The following NBEA variants were observed in gnomAD, a reference collection of about 807,000 sequenced individuals.
The protein encoded by NBEA is lysosomal-trafficking regulator 2.
A neutral mutation model predicts 343.4 loss-of-function variants in NBEA; 44 were observed. The ratio of observed to expected loss-of-function variants is 0.13; its 90% CI spans 0.10 to 0.16. NBEA has a LOEUF of 0.16. NBEA is among the 10% of genes least tolerant of loss of function. The probability of loss-of-function intolerance (pLI) is 1.00; values close to 1 mark genes in which losing one functional copy is unlikely to be tolerated. For missense variants in NBEA, 2,555 were observed against 3,631.3 expected, an observed-to-expected ratio of 0.70 and a Z score of 7.62; for synonymous variants, 1,175 against 1,238.7, an observed-to-expected ratio of 0.95 and a Z score of 1.08.
chr13:35,492,576 T>C (rs1566216788), intron 41 of NBEA, among the ~76,000 whole-genome samples: 1 of 151,894 alleles, frequency 6.6e-6, no homozygotes, highest in Non-Finnish European at 1.5e-5. Flanking sequence ...ATGGCTTTTT[T>C]CCTTGAAGAT....
chr13:35,282,372 TTAATAA>T (rs551201703), intron 34 of NBEA, among the ~76,000 whole-genome samples: 215 of 152,340 alleles, frequency 1.4e-3, no homozygotes, highest in Admixed American at 3.3e-3. Flanking sequence ...TGTATCATTC[TTAATAA>T]TTATTTAGGA....
At chr13:35,652,498 A>G (rs1020329623) in intron 53 of NBEA, among the ~76,000 whole-genome samples, 34 of 150,562 alleles carry the variant, frequency 2.3e-4, no homozygotes, top group South Asian at 4.2e-4. Flanking sequence ...AAAATTAGCC[A>G]GGCGCGGTGG....
rs2153013111 is a variant in NBEA, at chr13:35,551,009, C to T, written c.6783C>T (p.Thr2261=). The change falls in exon 43 of 59, where the codon ACC becomes ACT. Residue 2261 remains threonine, a synonymous_variant. Transcript: ENST00000379939. ...GCTTGCCTCGGGTTGGAGTAGGGAC[C>T]AGCTATGGTCTGCCACAAGCCAGGT... ...VYSLPRVGVG[T]SYGLPQARRI... 1.2e-6 allele frequency: 2 copies of T among 1,603,066 alleles called. No individual in the cohort carries two copies. Among genetic ancestry groups the T allele is most frequent in the East Asian group, 2.2e-5 (1 of 44,752 alleles).
At chr13:35,204,801 A>C (rs1435418495) in intron 31 of NBEA, among the ~76,000 whole-genome samples, 1 of 152,108 alleles carries the variant, frequency 6.6e-6, no homozygotes, top group East Asian at 1.9e-4. Context: ...ACTCTAAAAA[A>C]ATGTTTTTAC....
chr13:35,235,032 TCA>T (rs2075158048), intron 34 of NBEA, among the ~76,000 whole-genome samples: 1 of 152,152 alleles, frequency 6.6e-6, no homozygotes, highest in South Asian at 2.1e-4. Flanking sequence ...GGATAGTTCT[TCA>T]AATATTATTA....
At chr13:35,073,945 A>G (rs2063993838) in intron 10 of NBEA, among the ~76,000 whole-genome samples, 1 of 152,106 alleles carries the variant, frequency 6.6e-6, no homozygotes, top group Non-Finnish European at 1.5e-5. Flanking sequence ...CTGTATCAAA[A>G]AACCACCCCA....
intron 16 of NBEA, among the ~76,000 whole-genome samples, chr13:35,121,033 A>G (rs2066767890): frequency 1.3e-5 from 2 of 152,182 alleles, no homozygotes; most frequent in Non-Finnish European, 2.9e-5. Flanking sequence ...TTATTCCTAG[A>G]CAATAGAAAC....
intron 40 of NBEA, among the ~76,000 whole-genome samples, chr13:35,466,968 A>C (rs1345250019): frequency 1.3e-5 from 2 of 152,056 alleles, no homozygotes; most frequent in Non-Finnish European, 2.9e-5. Context: ...GGAATCTAAA[A>C]TTTTTTACAG....
At chr13:35,038,863 C>T (rs766722085) in intron 1 of NBEA, among the ~76,000 whole-genome samples, 1 of 152,106 alleles carries the variant, frequency 6.6e-6, no homozygotes, top group Non-Finnish European at 1.5e-5. Flanking sequence ...CCCTTAGCTG[C>T]CCCAGCTGGT....
chr13:35,280,775 A>ATT (rs564499943), intron 34 of NBEA, among the ~76,000 whole-genome samples: 7 of 147,128 alleles, frequency 4.8e-5, no homozygotes, highest in South Asian at 2.1e-4. Flanking sequence ...TTTTTGACAG[A>ATT]TTTTTTTTTT....
intron 38 of NBEA, among the ~76,000 whole-genome samples, chr13:35,406,121 T>G (rs1048809192): frequency 5.9e-5 from 9 of 152,144 alleles, no homozygotes; most frequent in African/African-American, 1.9e-4. Context: ...GAGAGCTTAT[T>G]GAATAAAGCT....
intron 1 of NBEA, among the ~76,000 whole-genome samples, chr13:34,974,440 T>A (rs2060099504): frequency 6.6e-6 from 1 of 152,236 alleles, no homozygotes; most frequent in Non-Finnish European, 1.5e-5. Flanking sequence ...GTTTCATTTC[T>A]TAGTATATGT....
At chr13:35,360,128 C>G (rs966640101) in intron 38 of NBEA, among the ~76,000 whole-genome samples, 3 of 151,906 alleles carry the variant, frequency 2.0e-5, no homozygotes, top group African/African-American at 7.2e-5. Context: ...CTAGGTTGAT[C>G]TGACCTAAAG....
At position 35,159,031 on chromosome 13, in the gene NBEA, C is replaced by T; in HGVS notation, c.2860C>T (p.His954Tyr). 1 of 1,602,386 alleles carries T rather than the reference C, an allele frequency of 6.2e-7. No individual in the cohort carries two copies. Among genetic ancestry groups the T allele is most frequent in the East Asian group, 2.2e-5 (1 of 44,778 alleles). The change falls in exon 22 of 59, where the codon CAT becomes TAT. Residue 954 changes from histidine to tyrosine, a missense_variant. This residue lies in a region of NBEA where 18 missense variants were observed against 21.7 expected (regional missense o/e 0.83). Coordinates refer to ENST00000379939, the MANE Select transcript of NBEA (RefSeq NM_001385012.1). Reference sequence around the variant, plus strand: ...TATTCCTAAGGTCACTTATGAAGCTCATAAGGAATACCTAGCCAAAATGTA... The same window carrying T: ...TATTCCTAAGGTCACTTATGAAGCTTATAAGGAATACCTAGCCAAAATGTA... ...IAHSKVTYEAHKEYLAKMYEE... is the reference protein window; with the variant it reads ...IAHSKVTYEAYKEYLAKMYEE...
chr13:35,120,141 A>G (rs1278624082), intron 16 of NBEA, among the ~76,000 whole-genome samples: 1 of 152,174 alleles, frequency 6.6e-6, no homozygotes, highest in Non-Finnish European at 1.5e-5. Flanking sequence ...CCAAACTTAG[A>G]TTGTCTAGTA....
At chr13:35,300,331 A>C (rs949900130) in intron 35 of NBEA, among the ~76,000 whole-genome samples, 2 of 152,202 alleles carry the variant, frequency 1.3e-5, no homozygotes, top group African/African-American at 4.8e-5. Context: ...CTCAAAAAAC[A>C]AGAAAAACAA....
intron 49 of NBEA, among the ~76,000 whole-genome samples, chr13:35,630,344 G>A (rs1405803929): frequency 2.0e-5 from 3 of 152,022 alleles, no homozygotes; most frequent in Non-Finnish European, 4.4e-5. Flanking sequence ...TGTTAATGTA[G>A]AACTTCTTAA....
chr13:35,171,068 C>A, intron 25 of NBEA: 1 of 696,680 alleles, frequency 1.4e-6, no homozygotes, highest in East Asian at 2.8e-5. Flanking sequence ...TGGGCTTTTC[C>A]TTTATTCAAG....
At position 35,176,996 on chromosome 13, in the gene NBEA, A is replaced by G. The variant is rs1394238228; in HGVS notation, c.4555A>G (p.Thr1519Ala). 6.4e-7 allele frequency: 1 copy of G among 1,559,664 alleles called. No individual in the cohort carries two copies. Among genetic ancestry groups the G allele is most frequent in the South Asian group, 1.2e-5 (1 of 86,624 alleles). Residue 1519 changes from threonine to alanine, a missense_variant and splice_region_variant, in exon 28 of 59, where the codon ACT becomes GCT. By Grantham distance (58) the Thr-to-Ala change is moderately conservative. Transcript: ENST00000379939. ...QSVTATAASKTPLENVPGNLS... is the reference protein window; with the variant it reads ...QSVTATAASKAPLENVPGNLS... ...TTCACAATTCTTTTTATTTTCAAAG[A>G]CTCCATTGGAAAATGTTCCAGGTAA...
Sources: gnomAD v4.1 joint callset for allele counts (sites outside exome capture counted in the v4.1 genomes callset) on GRCh38, gnomAD v4.1.1 for gene constraint, gnomAD v4.1.1 regional missense constraint, MANE v1.5 for transcripts, NCBI Gene and HGNC (gene_info 2026-07-23, HGNC 2026-07-21) for gene names.